The following FOXP1 variants were observed in gnomAD, a reference collection of about 807,000 sequenced individuals.
FOXP1 encodes the protein forkhead box P1.
In FOXP1, 15 loss-of-function variants were observed where a neutral mutation model predicts 98.2. The observed-to-expected ratio is 0.15, with a 90% confidence interval of 0.10 to 0.24. FOXP1 has a LOEUF of 0.24. FOXP1 is among the 10% of genes least tolerant of loss of function. The pLI is 1.00. For synonymous variants in FOXP1, 371 were observed against 314.5 expected, an observed-to-expected ratio of 1.18 and a Z score of -1.90; for missense variants, 633 against 848.5, an observed-to-expected ratio of 0.75 and a Z score of 3.15.
chr3:71,441,525 T>G (rs1224660075), intron 3 of FOXP1, among the ~76,000 whole-genome samples: 1 of 152,210 alleles, frequency 6.6e-6, no homozygotes, highest in African/African-American at 2.4e-5. Context: ...GTCACTAACA[T>G]GTCAGGCCCT....
chr3:71,070,935 G>A (rs2053147680), intron 7 of FOXP1, among the ~76,000 whole-genome samples: 3 of 152,160 alleles, frequency 2.0e-5, no homozygotes. Context: ...CAATCCAGCC[G>A]ACAATAAATC....
At chr3:71,246,267 G>A (rs2067741462) in intron 5 of FOXP1, among the ~76,000 whole-genome samples, 1 of 152,178 alleles carries the variant, frequency 6.6e-6, no homozygotes, top group African/African-American at 2.4e-5. Flanking sequence ...GGTGTGCAAG[G>A]ACGGGAGGAC....
At chr3:71,141,618 A>G (rs1454556298) in intron 6 of FOXP1, among the ~76,000 whole-genome samples, 1 of 152,204 alleles carries the variant, frequency 6.6e-6, no homozygotes, top group Non-Finnish European at 1.5e-5. Context: ...TTTGGTGACT[A>G]CTTTGTACTA....
At chr3:71,435,844 GGACGGAGGGAGGGAGGA>G (rs2085274078) in intron 3 of FOXP1, among the ~76,000 whole-genome samples, 1 of 31,426 alleles carries the variant, frequency 3.2e-5, no homozygotes. Context: ...AGGGAGGAAG[GGACGGAGGGAGGGAGGA>G]AGGGACGGAG....
intron 5 of FOXP1, among the ~76,000 whole-genome samples, chr3:71,209,696 C>T (rs1280089778): frequency 6.6e-6 from 1 of 152,120 alleles, no homozygotes; most frequent in Non-Finnish European, 1.5e-5. Context: ...TAAAAATTTC[C>T]CTGATGTGCA....
At chr3:71,409,593 A>G (rs1435600373) in intron 3 of FOXP1, among the ~76,000 whole-genome samples, 1 of 146,290 alleles carries the variant, frequency 6.8e-6, no homozygotes, top group African/African-American at 2.8e-5. Context: ...TACTTTGGAA[A>G]AAAAAAAAAG....
At chr3:71,070,845 T>C (rs2053132816) in intron 7 of FOXP1, among the ~76,000 whole-genome samples, 1 of 152,174 alleles carries the variant, frequency 6.6e-6, no homozygotes, top group Admixed American at 6.5e-5. Context: ...AGCTTAGCAG[T>C]TGCAACCTCA....
At chr3:71,108,482 T>A (rs940470983) in intron 7 of FOXP1, among the ~76,000 whole-genome samples, 1 of 152,216 alleles carries the variant, frequency 6.6e-6, no homozygotes, top group African/African-American at 2.4e-5. Flanking sequence ...GAAGAAAGCC[T>A]ATGCTGGGCA....
intron 3 of FOXP1, among the ~76,000 whole-genome samples, chr3:71,449,115 T>C (rs895967736): frequency 3.3e-5 from 5 of 152,190 alleles, no homozygotes; most frequent in African/African-American, 9.7e-5. Context: ...TCATTGTCAT[T>C]ATTAAATTTT....
chr3:71,421,281 AG>A (rs2108328351), intron 3 of FOXP1, among the ~76,000 whole-genome samples: 1 of 138,574 alleles, frequency 7.2e-6, no homozygotes, highest in South Asian at 2.2e-4. Flanking sequence ...TTCTGACATC[AG>A]GATAAAAAAA....
rs948117808 is a variant in FOXP1 at position 71,493,426 on chromosome 3, C to T, written c.-168G>A. 6.6e-6 allele frequency: 1 copy of T among 152,154 alleles called. No individual in the cohort carries two copies. The highest frequency in any genetic ancestry group is 1.5e-5 in the Non-Finnish European group (1 of 68,026). 9.4% of individuals were successfully genotyped at this position (152,154 alleles called of 1,614,324 possible). ...TAATCACAAACATTCATTCACTCAC[C>T]CTTTTGGCTAGCAGGCATCACATCC... On this transcript the variant is annotated splice_region_variant and 5_prime_UTR_variant, in exon 3 of 21. Coordinates refer to ENST00000649528, the MANE Select transcript of FOXP1 (RefSeq NM_001349338.3).
chr3:71,453,854 T>G (rs1225938843), intron 3 of FOXP1, among the ~76,000 whole-genome samples: 1 of 152,138 alleles, frequency 6.6e-6, no homozygotes, highest in East Asian at 1.9e-4. Context: ...TATAAAGTAT[T>G]TATGGAAAGA....
At chr3:71,204,570 TA>T (rs1248502805) in intron 5 of FOXP1, among the ~76,000 whole-genome samples, 7 of 152,188 alleles carry the variant, frequency 4.6e-5, no homozygotes, top group Admixed American at 3.9e-4. Context: ...GCCATGCTTT[TA>T]CACTGCTCAC....
intron 14 of FOXP1, among the ~76,000 whole-genome samples, chr3:70,986,158 C>G (rs149425008): frequency 1.2e-3 from 181 of 152,232 alleles, no homozygotes; most frequent in African/African-American, 4.1e-3. Flanking sequence ...CATCCCTGTT[C>G]ACTTCCCCCC....
chr3:71,433,880 A>G (rs1037878555), intron 3 of FOXP1, among the ~76,000 whole-genome samples: 2 of 152,210 alleles, frequency 1.3e-5, no homozygotes, highest in Non-Finnish European at 2.9e-5. Context: ...TGGCACAGGG[A>G]AGCTTAGATC....
At chr3:71,170,140 T>C (rs566846295) in intron 6 of FOXP1, among the ~76,000 whole-genome samples, 1 of 152,324 alleles carries the variant, frequency 6.6e-6, no homozygotes, top group South Asian at 2.1e-4. Context: ...TGAGTCTTAA[T>C]CTAAAATAAA....
intron 14 of FOXP1, among the ~76,000 whole-genome samples, chr3:70,983,410 A>C (rs1219802762): frequency 1.3e-5 from 2 of 152,122 alleles, no homozygotes; most frequent in African/African-American, 4.8e-5. Flanking sequence ...AGGCAGCCCA[A>C]ATGATCCTTG....
At chr3:71,325,638 C>A (rs950109427) in intron 4 of FOXP1, among the ~76,000 whole-genome samples, 4 of 141,034 alleles carry the variant, frequency 2.8e-5, no homozygotes, top group Non-Finnish European at 6.1e-5. Context: ...ATAAAGAAAT[C>A]TCCTACAAAT....
chr3:71,446,546 G>GA (rs142468658), intron 3 of FOXP1, among the ~76,000 whole-genome samples: 91,514 of 150,388 alleles, frequency 0.61, 30,088 homozygotes, highest in Non-Finnish European at 0.75. Flanking sequence ...GCCACACACT[G>GA]AAAAAAAAAA....
Sources: gnomAD v4.1 joint callset for allele counts (sites outside exome capture counted in the v4.1 genomes callset) on GRCh38, gnomAD v4.1.1 for gene constraint, MANE v1.5 for transcripts, NCBI Gene and HGNC (gene_info 2026-07-23, HGNC 2026-07-21) for gene names.